Variants in PHC1 observed in about 807,000 individuals in gnomAD.
PHC1 encodes the protein polyhomeotic homolog 1.
A neutral mutation model predicts 104.3 loss-of-function variants in PHC1; 12 were observed. The ratio of observed to expected loss-of-function variants is 0.12; its 90% CI spans 0.07 to 0.19. The LOEUF is 0.19. Among genes scored for constraint, PHC1 ranks in the 10% least tolerant of loss-of-function variants. PHC1 has a pLI of 1.00. For synonymous variants in PHC1, 302 were observed against 455.8 expected (o/e 0.66, Z 4.30); for missense variants, 671 against 1,200.0 (o/e 0.56, Z 6.51).
In PHC1 at chr12:8,934,014, T is replaced by C. The variant is rs1477989506; in HGVS notation, c.2041+2T>C. The stretch of plus-strand genomic sequence containing the variant: ...TGGACGAGAAGAGCAGTCTTGGAGG[T>C]GAGTAACTGACTTCTAATGCTGTTG... On this transcript the variant is annotated splice_donor_variant, in intron 9 of 14. Coordinates refer to ENST00000544916, the MANE Select transcript of PHC1 (RefSeq NM_004426.3). LOFTEE classifies it high-confidence loss of function. The C allele has an allele frequency of 6.2e-7, 1 of 1,613,646 alleles. No homozygotes were observed. The highest frequency in any genetic ancestry group is 8.5e-7 in the Non-Finnish European group (1 of 1,179,832).
At chr12:8,932,517 C>T in intron 7 of PHC1, 46 bp from the exon 8 acceptor site, 2 of 1,587,106 alleles carry the variant, frequency 1.3e-6, no homozygotes, top group Non-Finnish European at 1.7e-6. Flanking sequence ...GATTATTATT[C>T]TCTGCTCTTT....
intron 6 of PHC1, among the ~76,000 whole-genome samples, chr12:8,927,180 GAGAA>G (rs1945539104): frequency 6.6e-6 from 1 of 152,240 alleles, no homozygotes; most frequent in Non-Finnish European, 1.5e-5. Context: ...AATGTAGAGA[GAGAA>G]AGAAAGATGG....
In PHC1 at chr12:8,933,771, A is replaced by C. The variant is rs1364426553; in HGVS notation, c.1894-94A>C. 3.4e-5 allele frequency: 36 copies of C among 1,047,866 alleles called. No homozygotes were observed. In the East Asian group the frequency reaches 8.4e-4, roughly 24 times the overall value. The allele number at this position is 1,047,866 out of a possible 1,614,324, so 64.9% of individuals were successfully genotyped here. A position where few individuals can be genotyped will look rare whatever the true frequency, so the allele number is the denominator to read the frequency against. On this transcript the variant is annotated intron_variant, in intron 8 of 14. Transcript: ENST00000544916. Reference sequence around the variant, plus strand: ...TAGATAAATTGGGAAATCTGGAACTAAGAAAATTTTCTTTGAACATATGGT... The same window carrying C: ...TAGATAAATTGGGAAATCTGGAACTCAGAAAATTTTCTTTGAACATATGGT...
chr12:8,925,617 G>C (rs1484413917), intron 6 of PHC1, among the ~76,000 whole-genome samples: 4 of 152,172 alleles, frequency 2.6e-5, no homozygotes, highest in South Asian at 4.1e-4. Context: ...GAGGAGGGCA[G>C]GAACTTGATT....
intron 3 of PHC1, among the ~76,000 whole-genome samples, chr12:8,920,311 T>G (rs1449515102): frequency 6.6e-6 from 1 of 152,264 alleles, no homozygotes; most frequent in African/African-American, 2.4e-5. Flanking sequence ...TTTTACTTTT[T>G]AAAACTTTGC....
intron 11 of PHC1, among the ~76,000 whole-genome samples, chr12:8,935,982 G>A (rs1038750312): frequency 1.3e-5 from 2 of 151,802 alleles, no homozygotes; most frequent in Non-Finnish European, 2.9e-5. Context: ...GCTAGTAGTC[G>A]CCAACTCCCG....
rs745501459 is a variant in PHC1, at chr12:8,921,787, A to G, written c.456+37A>G. 1.2e-4 allele frequency: 179 copies of G among 1,535,764 alleles called. 2 individuals are homozygous for G. In the South Asian group the frequency reaches 2.0e-3, roughly 17 times the overall value. On this transcript the variant is annotated intron_variant, in intron 5 of 14. Transcript: ENST00000544916. Reference sequence around the variant, plus strand: ...ATGCAGTCACCATTGCCCCAGAGGCATAATTGTCTGGCCCTGGCAAAGACT... The same window carrying G: ...ATGCAGTCACCATTGCCCCAGAGGCGTAATTGTCTGGCCCTGGCAAAGACT...
intron 11 of PHC1, 106 bp from the exon 12 acceptor site, chr12:8,936,750 G>T (rs997959085): frequency 6.3e-5 from 42 of 669,628 alleles, no homozygotes; most frequent in Non-Finnish European, 1.0e-4. Context: ...GTAGGTTTTT[G>T]GGGGTGAACC....
In PHC1 at chr12:8,919,398, C is replaced by T. The variant is rs1945293971; in HGVS notation, c.115-358C>T. 6.6e-6 allele frequency among the ~76,000 whole-genome samples: 1 copy of T among 152,082 alleles called. No individual in the cohort carries two copies. The highest frequency in any genetic ancestry group is 2.4e-5 in the African/African-American group (1 of 41,404). On this transcript the variant is annotated intron_variant, in intron 2 of 14. Transcript: ENST00000544916. This position sits in a 1 kb window ranked among gnomAD's most constrained non-coding sequence, Gnocchi z 4.9. ...TTGAGGCCAGGAGTTCAAGACCAGC[C>T]TGGGTAACATAGCAAGACCCCATCT...
intron 1 of PHC1, among the ~76,000 whole-genome samples, chr12:8,916,318 T>C (rs1455789561): frequency 2.0e-5 from 3 of 152,164 alleles, no homozygotes; most frequent in African/African-American, 7.2e-5. Context: ...ACTTTGCTTG[T>C]TTGTTTGTTT....
intron 11 of PHC1, among the ~76,000 whole-genome samples, chr12:8,935,843 C>T (rs1198763882): frequency 6.6e-6 from 1 of 151,992 alleles, no homozygotes; most frequent in Non-Finnish European, 1.5e-5. Flanking sequence ...TCACCGCAAC[C>T]AGTGCCTCCT....
Position 8,919,656 on chromosome 12 carries a change from C to T in PHC1, c.115-100C>T. The T allele has an allele frequency of 8.2e-7, 1 of 1,213,102 alleles. No homozygotes were observed. Among genetic ancestry groups the T allele is most frequent in the Non-Finnish European group, 1.2e-6 (1 of 859,512 alleles). 75.1% of individuals were successfully genotyped at this position (1,213,102 alleles called of 1,614,324 possible). On this transcript the variant is annotated intron_variant, in intron 2 of 14. Coordinates refer to ENST00000544916, the MANE Select transcript of PHC1 (RefSeq NM_004426.3). This position sits in a 1 kb window ranked among gnomAD's most constrained non-coding sequence, Gnocchi z 4.9. ...CCCAAACTCCCATCTCCTCTGGTTT[C>T]TGTCCTTCCCATGGCCCCCTTTCAC...
Position 8,936,866 on chromosome 12 carries a change from G to C in PHC1, c.2379G>C (p.Lys793Asn). 1 of 1,607,890 alleles carries C rather than the reference G, an allele frequency of 6.2e-7. No individual in the cohort carries two copies. Among genetic ancestry groups the C allele is most frequent in the South Asian group, 1.1e-5 (1 of 90,656 alleles). The change falls in exon 12 of 15, where the codon AAG becomes AAC. Residue 793 changes from lysine to asparagine, a missense_variant. Physicochemically the swap from Lys to Asn is moderately conservative, Grantham distance 94 (BLOSUM62 0). Coordinates refer to ENST00000544916, the MANE Select transcript of PHC1 (RefSeq NM_004426.3). ...GVDSPSAELDKKANLLKCEYC... is the reference protein window; with the variant it reads ...GVDSPSAELDNKANLLKCEYC... ...TACCTTGTTTTTTAGAGTTAGATAA[G>C]AAGGCGAATCTCCTGAAGTGCGAGT...
chr12:8,922,074 A>G (rs919458610), intron 5 of PHC1, among the ~76,000 whole-genome samples: 1 of 152,214 alleles, frequency 6.6e-6, no homozygotes, highest in Non-Finnish European at 1.5e-5. Context: ...TCGGCCTCCC[A>G]AAGTGCTAGG....
At chr12:8,924,674 C>A (rs1227436763) in intron 6 of PHC1, among the ~76,000 whole-genome samples, 1 of 151,966 alleles carries the variant, frequency 6.6e-6, no homozygotes, top group Non-Finnish European at 1.5e-5. Context: ...TATTTAAATA[C>A]GAGTATGTGT....
At chr12:8,926,524 G>A (rs1345346305) in intron 6 of PHC1, among the ~76,000 whole-genome samples, 1 of 152,168 alleles carries the variant, frequency 6.6e-6, no homozygotes, top group East Asian at 1.9e-4. Context: ...GGGAGGCTGA[G>A]GAAGGAGAAT....
chr12:8,928,924 C>A (rs1452179954), intron 6 of PHC1, among the ~76,000 whole-genome samples: 1 of 151,980 alleles, frequency 6.6e-6, no homozygotes, highest in Non-Finnish European at 1.5e-5. Flanking sequence ...ATAGTTTATT[C>A]ATCTTCTCTT....
chr12:8,926,471 T>C (rs146999025), intron 6 of PHC1, among the ~76,000 whole-genome samples: 2,458 of 150,674 alleles, frequency 0.016, 75 homozygotes, highest in African/African-American at 0.057. Flanking sequence ...ACAAAAAAAA[T>C]TAGCCGGGTG....
chr12:8,928,139 C>G (rs778538370), intron 6 of PHC1, among the ~76,000 whole-genome samples: 1 of 151,998 alleles, frequency 6.6e-6, no homozygotes. Context: ...AACTCCTGAG[C>G]TCAGGCAGTC....
Sources: gnomAD v4.1 joint callset for allele counts (sites outside exome capture counted in the v4.1 genomes callset) on GRCh38, gnomAD v4.1.1 for gene constraint, Gnocchi (gnomAD v3.1) non-coding constraint, MANE v1.5 for transcripts, NCBI Gene and HGNC (gene_info 2026-07-23, HGNC 2026-07-21) for gene names.